The following ZNF292 variants were observed in gnomAD, a reference collection of about 807,000 sequenced individuals.
The protein encoded by ZNF292 is zinc finger protein 292, also known as 16 zinc-finger domain protein.
ZNF292 carries 26 observed loss-of-function variants against 217.9 expected under a neutral mutation model. That is an observed-to-expected ratio of 0.12 (90% CI 0.09 to 0.17). The LOEUF (loss-of-function observed/expected upper bound fraction) is 0.17, where lower values mean the gene tolerates loss of function less well. ZNF292 is among the 10% of genes least tolerant of loss of function. The pLI is 1.00. For synonymous variants in ZNF292, 1,257 were observed against 1,124.1 expected, an observed-to-expected ratio of 1.12 and a Z score of -2.37; for missense variants, 2,904 against 3,175.2, an observed-to-expected ratio of 0.91 and a Z score of 2.05.
intron 1 of ZNF292, among the ~76,000 whole-genome samples, chr6:87,185,550 C>T (rs1771619752): frequency 6.6e-6 from 1 of 152,162 alleles, no homozygotes; most frequent in Non-Finnish European, 1.5e-5. Context: ...CACAATCTCA[C>T]TCATTGCAAC....
intron 1 of ZNF292, among the ~76,000 whole-genome samples, chr6:87,190,095 T>G (rs758960333): frequency 5.9e-5 from 9 of 152,182 alleles, no homozygotes; most frequent in Non-Finnish European, 7.3e-5. Context: ...CCCTAACCTT[T>G]GTGTGTGTAT....
At chr6:87,175,116 ATG>A (rs1243238236) in intron 1 of ZNF292, among the ~76,000 whole-genome samples, 1 of 152,008 alleles carries the variant, frequency 6.6e-6, no homozygotes, top group African/African-American at 2.4e-5. Flanking sequence ...GGACGAGTAC[ATG>A]TCTTTCTCAT....
At chr6:87,183,808 A>G (rs1040603823) in intron 1 of ZNF292, among the ~76,000 whole-genome samples, 1 of 152,218 alleles carries the variant, frequency 6.6e-6, no homozygotes, top group Non-Finnish European at 1.5e-5. Context: ...AATACATATC[A>G]CTATGGTTGG....
At chr6:87,162,985 G>A (rs978473415) in intron 1 of ZNF292, among the ~76,000 whole-genome samples, 4 of 152,064 alleles carry the variant, frequency 2.6e-5, no homozygotes, top group African/African-American at 9.7e-5. Flanking sequence ...TTTTAACAAT[G>A]TATTATTTTC....
intron 4 of ZNF292, among the ~76,000 whole-genome samples, chr6:87,227,131 C>A (rs186273430): frequency 1.2e-4 from 19 of 152,272 alleles, no homozygotes; most frequent in African/African-American, 3.8e-4. Flanking sequence ...AAAGTTAATT[C>A]TATTTCCTGA....
chr6:87,207,396 ATTATGGT>A (rs1049895317), intron 1 of ZNF292, among the ~76,000 whole-genome samples: 2 of 152,100 alleles, frequency 1.3e-5, no homozygotes, highest in African/African-American at 4.8e-5. Flanking sequence ...TCTGATTTCT[ATTATGGT>A]TTCTTTTACC....
intron 1 of ZNF292, among the ~76,000 whole-genome samples, chr6:87,159,486 C>CTTTTCTTTCT (rs1250777138): frequency 7.2e-6 from 1 of 139,680 alleles, no homozygotes; most frequent in Non-Finnish European, 1.5e-5. Flanking sequence ...TCTCAGCTTT[C>CTTTTCTTTCT]TTTTCTTTCT....
At chr6:87,202,257 A>T (rs939572368) in intron 1 of ZNF292, among the ~76,000 whole-genome samples, 1 of 151,952 alleles carries the variant, frequency 6.6e-6, no homozygotes, top group Admixed American at 6.5e-5. Flanking sequence ...TTTTGAAAAG[A>T]TCTTATAAAT....
Position 87,163,765 on chromosome 6 carries a change from G to A in ZNF292, c.168+8006G>A, listed in dbSNP as rs146778683. On this transcript the variant is annotated intron_variant, in intron 1 of 7. Coordinates refer to ENST00000369577, the MANE Select transcript of ZNF292 (RefSeq NM_015021.3). ...TTTACATTGGATCTTGAAGGATTTT[G>A]GATAACCAAAGAGAAGTGGGAGGGA... is the stretch of plus-strand genomic sequence containing the variant. 9.0e-4 allele frequency among the ~76,000 whole-genome samples: 137 copies of A among 152,206 alleles called. No individual in the cohort carries two copies. In the East Asian group the frequency reaches 0.023, roughly 25 times the overall value.
Position 87,218,802 on chromosome 6 carries a change from A to G in ZNF292, c.538+71A>G. 3 of 1,447,862 alleles carry G rather than the reference A, an allele frequency of 2.1e-6. No individual in the cohort carries two copies. The South Asian group carries it at 4.2e-5, about 20-fold the overall frequency. The allele number at this position is 1,447,862 out of a possible 1,614,324, so 89.7% of individuals were successfully genotyped here. A position where few individuals can be genotyped will look rare whatever the true frequency, so the allele number is the denominator to read the frequency against. Reference sequence around the variant, plus strand: ...AAAAATAAGTGTTAAAGTTGTTTTGATATAATTTATCTCAAGATATTCCAA... The same window carrying G: ...AAAAATAAGTGTTAAAGTTGTTTTGGTATAATTTATCTCAAGATATTCCAA... On this transcript the variant is annotated intron_variant, in intron 4 of 7. Coordinates refer to ENST00000369577, the MANE Select transcript of ZNF292 (RefSeq NM_015021.3).
At chr6:87,245,371 A>G (rs1774518993) in intron 6 of ZNF292, 132 bp from the exon 7 acceptor site, 2 of 500,868 alleles carry the variant, frequency 4.0e-6, no homozygotes, top group Middle Eastern at 5.5e-4. Flanking sequence ...GTTTTCTTGC[A>G]TTTTAACTTA....
In ZNF292 at chr6:87,265,214, A is replaced by G. The variant is rs1410953326; in HGVS notation, c.*3413A>G. ...ACTGCAACTTCTGCCTCCCAAGTTC[A>G]AGTGATTCTCCTGCCTCAGCCTCCC... is the stretch of plus-strand genomic sequence containing the variant. On this transcript the variant is annotated 3_prime_UTR_variant, in exon 8 of 8. Transcript: ENST00000369577. Among the ~76,000 whole-genome samples the G allele has an allele frequency of 6.6e-6, 1 of 151,934 alleles. No homozygotes were observed. The highest frequency in any genetic ancestry group is 2.4e-5 in the African/African-American group (1 of 41,344).
At chr6:87,250,765 G>A (rs746177455) in intron 7 of ZNF292, among the ~76,000 whole-genome samples, 3 of 152,164 alleles carry the variant, frequency 2.0e-5, no homozygotes, top group Non-Finnish European at 4.4e-5. Context: ...AAAGGAATTG[G>A]AGCAGATGGC....
intron 1 of ZNF292, among the ~76,000 whole-genome samples, chr6:87,188,295 G>A (rs951279565): frequency 2.6e-5 from 4 of 152,278 alleles, no homozygotes; most frequent in Admixed American, 1.3e-4. Context: ...CAAATGGTCA[G>A]CGTGGCTAGG....
intron 1 of ZNF292, among the ~76,000 whole-genome samples, chr6:87,166,250 T>C (rs1189490663): frequency 6.6e-6 from 1 of 152,238 alleles, no homozygotes; most frequent in Non-Finnish European, 1.5e-5. Context: ...TTTAAATTTA[T>C]TAATTTCCTC....
chr6:87,250,130 A>G (rs1486184471), intron 7 of ZNF292, among the ~76,000 whole-genome samples: 2 of 151,990 alleles, frequency 1.3e-5, no homozygotes, highest in Non-Finnish European at 2.9e-5. Context: ...TAGGTTCCAC[A>G]TCAGTGGATT....
At chr6:87,193,602 A>G (rs753955385) in intron 1 of ZNF292, among the ~76,000 whole-genome samples, 6 of 152,096 alleles carry the variant, frequency 3.9e-5, no homozygotes, top group Non-Finnish European at 8.8e-5. Context: ...GGAAAAAACA[A>G]CCTGCGCCCT....
intron 1 of ZNF292, among the ~76,000 whole-genome samples, chr6:87,209,273 C>T (rs1029998933): frequency 6.6e-6 from 1 of 151,980 alleles, no homozygotes; most frequent in African/African-American, 2.4e-5. Flanking sequence ...ATATGCTTTC[C>T]AGCTTTTAAG....
rs150153825 is a variant in ZNF292 at position 87,227,722 on chromosome 6, T to G, written c.539-5603T>G. On this transcript the variant is annotated intron_variant, in intron 4 of 7. Coordinates refer to ENST00000369577, the MANE Select transcript of ZNF292 (RefSeq NM_015021.3). ...TCTTTTTATGACTGACTTATTTCAC[T>G]TAGCATAATGTCCTCAAGATTCATC... 1.4e-4 allele frequency among the ~76,000 whole-genome samples: 22 copies of G among 152,338 alleles called. No individual in the cohort carries two copies. In the East Asian group the frequency reaches 4.2e-3, roughly 29 times the overall value.
Sources: allele counts gnomAD v4.1 joint callset (sites outside exome capture counted in the v4.1 genomes callset), GRCh38; gene constraint gnomAD v4.1.1; transcripts MANE v1.5; gene names NCBI Gene and HGNC (gene_info 2026-07-23, HGNC 2026-07-21).